PTPRM: variants seen among roughly 807,000 people sequenced by gnomAD.
PTPRM encodes protein tyrosine phosphatase receptor type M.
A neutral mutation model predicts 186.7 loss-of-function variants in PTPRM; 47 were observed. That is an observed-to-expected ratio of 0.25 (90% confidence interval 0.20 to 0.32). The LOEUF (loss-of-function observed/expected upper bound fraction) is 0.32, where lower values mean the gene tolerates loss of function less well. Ranked by LOEUF, PTPRM falls within the 10% of genes least tolerant of loss-of-function variation. The pLI is 1.00. For missense variants in PTPRM, 1,494 were observed against 1,865.0 expected (o/e 0.80, Z 3.66); for synonymous variants, 668 against 674.9 (o/e 0.99, Z 0.16).
chr18:8,252,605 G>A (rs1018314939), intron 18 of PTPRM, 106 bp downstream of exon 18: 1 of 1,104,530 alleles, frequency 9.1e-7, no homozygotes, highest in Non-Finnish European at 1.4e-6. Context: ...GTGCTGGCCT[G>A]CATGTTTGCC....
At chr18:8,045,551 A>C (rs535118364) in intron 7 of PTPRM, among the ~76,000 whole-genome samples, 3 of 152,192 alleles carry the variant, frequency 2.0e-5, no homozygotes, top group Non-Finnish European at 4.4e-5. Context: ...TGCTGAGTAA[A>C]AGGAAGCCAG....
intron 7 of PTPRM, among the ~76,000 whole-genome samples, chr18:8,008,990 T>C (rs1247008971): frequency 6.6e-6 from 1 of 152,080 alleles, no homozygotes; most frequent in Non-Finnish European, 1.5e-5. Flanking sequence ...AGTTTAATGC[T>C]CAAGCCCCTC....
At chr18:7,724,605 T>C (rs2040509710) in intron 1 of PTPRM, among the ~76,000 whole-genome samples, 1 of 152,190 alleles carries the variant, frequency 6.6e-6, no homozygotes, top group African/African-American at 2.4e-5. Flanking sequence ...TGTGAACCTG[T>C]TATTATTGTT....
At chr18:8,005,171 A>G (rs2084105278) in intron 7 of PTPRM, among the ~76,000 whole-genome samples, 1 of 152,224 alleles carries the variant, frequency 6.6e-6, no homozygotes, top group Non-Finnish European at 1.5e-5. Flanking sequence ...AGGCAGGGCA[A>G]CGAAACTGTA....
chr18:7,874,682 T>C (rs1403942277), intron 2 of PTPRM, among the ~76,000 whole-genome samples: 2 of 152,090 alleles, frequency 1.3e-5, no homozygotes, highest in East Asian at 3.9e-4. Context: ...GAAAACGAAA[T>C]AGTGTACTCA....
At chr18:8,250,047 G>A (rs953563365) in intron 17 of PTPRM, among the ~76,000 whole-genome samples, 1 of 152,150 alleles carries the variant, frequency 6.6e-6, no homozygotes, top group African/African-American at 2.4e-5. Flanking sequence ...GCAGTTTTGG[G>A]GGATAGTAGC....
At chr18:8,009,546 A>G (rs1426785272) in intron 7 of PTPRM, among the ~76,000 whole-genome samples, 1 of 152,014 alleles carries the variant, frequency 6.6e-6, no homozygotes, top group Non-Finnish European at 1.5e-5. Flanking sequence ...CGTCTCTACT[A>G]AAAATACAAA....
At chr18:7,973,573 A>T (rs1310768924) in intron 7 of PTPRM, among the ~76,000 whole-genome samples, 1 of 152,022 alleles carries the variant, frequency 6.6e-6, no homozygotes, top group African/African-American at 2.4e-5. Flanking sequence ...AATTGTAGGG[A>T]TACTTTCTAT....
intron 1 of PTPRM, among the ~76,000 whole-genome samples, chr18:7,599,665 AT>A (rs2037351438): frequency 6.6e-6 from 1 of 152,060 alleles, no homozygotes; most frequent in African/African-American, 2.4e-5. Context: ...ACCCTGCTAC[AT>A]TTTTCATTCC....
intron 2 of PTPRM, among the ~76,000 whole-genome samples, chr18:7,874,707 C>T (rs1001885157): frequency 1.3e-5 from 2 of 152,106 alleles, no homozygotes; most frequent in African/African-American, 4.8e-5. Context: ...AAATAACTTT[C>T]CACCCAGCCA....
intron 14 of PTPRM, among the ~76,000 whole-genome samples, chr18:8,228,423 G>A (rs1449276586): frequency 3.3e-5 from 5 of 152,080 alleles, no homozygotes; most frequent in Non-Finnish European, 7.4e-5. Context: ...CGACCCAAAG[G>A]CTTTTTTCCA....
chr18:8,315,445 T>G (rs2095302357), intron 21 of PTPRM, among the ~76,000 whole-genome samples: 1 of 152,252 alleles, frequency 6.6e-6, no homozygotes, highest in South Asian at 2.1e-4. Flanking sequence ...TTGTTCATTC[T>G]GCATCATGTT....
At chr18:7,764,921 G>A (rs2041949289) in intron 1 of PTPRM, among the ~76,000 whole-genome samples, 1 of 152,190 alleles carries the variant, frequency 6.6e-6, no homozygotes, top group Non-Finnish European at 1.5e-5. Flanking sequence ...TTGTGGTATA[G>A]AGGATAAGAG....
At chr18:8,380,191 T>C (rs1267044493) in intron 28 of PTPRM, 105 bp from the exon 29 acceptor site, 2 of 1,222,404 alleles carry the variant, frequency 1.6e-6, no homozygotes, top group Non-Finnish European at 2.3e-6. Context: ...CTGTTAAACA[T>C]GTTCAGTGTT....
At chr18:7,948,278 A>G (rs775825421) in intron 5 of PTPRM, among the ~76,000 whole-genome samples, 1 of 151,696 alleles carries the variant, frequency 6.6e-6, no homozygotes, top group East Asian at 1.9e-4. Flanking sequence ...TATATATATT[A>G]TATATAGAGA....
chr18:7,912,735 G>A (rs2050341659), intron 4 of PTPRM, among the ~76,000 whole-genome samples: 1 of 151,140 alleles, frequency 6.6e-6, no homozygotes, highest in Admixed American at 6.6e-5. Flanking sequence ...TAGCCAGGAT[G>A]GTCTCGATCT....
At chr18:7,630,861 T>C (rs969265604) in intron 1 of PTPRM, among the ~76,000 whole-genome samples, 2 of 152,138 alleles carry the variant, frequency 1.3e-5, no homozygotes, top group Admixed American at 6.5e-5. Flanking sequence ...TTTTGCCTTG[T>C]TATCTATGAA....
At chr18:8,373,535 C>G (rs920912890) in intron 24 of PTPRM, among the ~76,000 whole-genome samples, 2 of 152,156 alleles carry the variant, frequency 1.3e-5, no homozygotes, top group Admixed American at 6.5e-5. Flanking sequence ...CTGGGAGAAA[C>G]AAAGTTGACA....
chr18:7,711,024 T>C (rs1415720149), intron 1 of PTPRM, among the ~76,000 whole-genome samples: 2 of 151,818 alleles, frequency 1.3e-5, no homozygotes, highest in African/African-American at 4.8e-5. Context: ...CTGATGTGGG[T>C]TGGGGGGGAA....
Sources: gnomAD v4.1 joint callset for allele counts (sites outside exome capture counted in the v4.1 genomes callset) on GRCh38, gnomAD v4.1.1 for gene constraint, MANE v1.5 for transcripts, NCBI Gene and HGNC (gene_info 2026-07-23, HGNC 2026-07-21) for gene names.